ZNF385B: variants seen among roughly 807,000 people sequenced by gnomAD.
The protein encoded by ZNF385B is zinc finger protein 533.
In ZNF385B, 23 loss-of-function variants were observed where a neutral mutation model predicts 39.2. The ratio of observed to expected loss-of-function variants is 0.59; its 90% CI spans 0.42 to 0.83. The LOEUF (loss-of-function observed/expected upper bound fraction) is 0.83. Ranked by LOEUF, ZNF385B falls within the 40% of genes least tolerant of loss-of-function variation. The pLI, the probability that ZNF385B is intolerant of heterozygous loss-of-function variation, is 0.00. For missense variants in ZNF385B, 552 were observed against 598.9 expected (o/e 0.92, Z 0.82); for synonymous variants, 205 against 222.6 (o/e 0.92, Z 0.70).
In ZNF385B at chr2:179,769,555, A is replaced by G. The variant is rs1703892392; in HGVS notation, c.246T>C (p.Asp82=). The G allele has an allele frequency of 3.7e-6, 6 of 1,614,116 alleles. No individual in the cohort carries two copies. Among genetic ancestry groups the G allele is most frequent in the Non-Finnish European group, 5.1e-6 (6 of 1,180,018 alleles). The part of the protein sequence containing the change: ...SHRKRVKQLS[D]GQPPPPAQAS... ...CCTGGGCGGGTGGTGGGGGCTGCCC[A>G]TCACTCAGCTGCTTCACTCGTTTGC... The change falls in exon 3 of 10, where the codon GAT becomes GAC. Residue 82 remains aspartate (D), a synonymous_variant. Coordinates refer to ENST00000410066, the MANE Select transcript of ZNF385B (RefSeq NM_152520.6).
chr2:179,635,791 A>G (rs1019513622), intron 3 of ZNF385B, among the ~76,000 whole-genome samples: 23 of 152,084 alleles, frequency 1.5e-4, no homozygotes, highest in African/African-American at 5.3e-4. Context: ...ATCACTCTTT[A>G]AAGATATGAG....
chr2:179,518,725 T>C (rs2058271783), intron 4 of ZNF385B, 87 bp from the exon 5 acceptor site: 5 of 752,030 alleles, frequency 6.6e-6, no homozygotes. Context: ...AAATATTCCA[T>C]AAAGTTTAAA....
intron 3 of ZNF385B, among the ~76,000 whole-genome samples, chr2:179,702,046 T>A (rs1699246009): frequency 6.6e-6 from 1 of 152,160 alleles, no homozygotes; most frequent in South Asian, 2.1e-4. Context: ...TCAAAAGACT[T>A]TTCACGTTTT....
intron 4 of ZNF385B, among the ~76,000 whole-genome samples, chr2:179,527,728 C>G (rs2058999590): frequency 6.6e-6 from 1 of 152,056 alleles, no homozygotes; most frequent in Non-Finnish European, 1.5e-5. Flanking sequence ...AAATGTATGA[C>G]TTCCAATTTG....
Position 179,670,494 on chromosome 2 carries a change from CA to C in ZNF385B, c.298+99008del, listed in dbSNP as rs11464930. On this transcript the variant is annotated intron_variant, in intron 3 of 9. Transcript: ENST00000410066. ...AGTAGAACGTAAAAACAAAAACAAA[CA>C]AAAAAAAATAGGAACTAATAGGTCT... Among the ~76,000 whole-genome samples, 16 of 147,686 alleles carry C rather than the reference CA, an allele frequency of 1.1e-4. No homozygotes were observed. The East Asian group carries it at 1.4e-3, about 13-fold the overall frequency.
At chr2:179,774,714 G>A (rs142329731) in intron 1 of ZNF385B, among the ~76,000 whole-genome samples, 6 of 152,304 alleles carry the variant, frequency 3.9e-5, no homozygotes, top group Non-Finnish European at 8.8e-5. Flanking sequence ...ACAGCTGTTT[G>A]CATTTTGAGA....
chr2:179,695,694 A>G (rs1041919278), intron 3 of ZNF385B, among the ~76,000 whole-genome samples: 2 of 152,202 alleles, frequency 1.3e-5, no homozygotes, highest in African/African-American at 4.8e-5. Context: ...GTCAAATAAT[A>G]AGTTTTCATG....
chr2:179,600,134 T>C (rs528167569), intron 3 of ZNF385B, among the ~76,000 whole-genome samples: 1 of 152,332 alleles, frequency 6.6e-6, no homozygotes, highest in African/African-American at 2.4e-5. Flanking sequence ...ATTCTTCAAT[T>C]GTGCCAATCT....
intron 3 of ZNF385B, among the ~76,000 whole-genome samples, chr2:179,754,417 G>T (rs1179754648): frequency 2.6e-5 from 4 of 152,140 alleles, no homozygotes; most frequent in Admixed American, 6.5e-5. Context: ...CCTCTACCAG[G>T]CTTTGCTGTC....
At chr2:179,634,781 T>C (rs989830630) in intron 3 of ZNF385B, among the ~76,000 whole-genome samples, 2 of 152,026 alleles carry the variant, frequency 1.3e-5, no homozygotes, top group Non-Finnish European at 2.9e-5. Context: ...CTATTCACAA[T>C]AGGAAAGACT....
At chr2:179,518,287 G>A (rs1002573643) in intron 5 of ZNF385B, among the ~76,000 whole-genome samples, 2 of 151,748 alleles carry the variant, frequency 1.3e-5, no homozygotes, top group South Asian at 2.1e-4. Flanking sequence ...AAATATTTTC[G>A]ATGTGATCTA....
At chr2:179,449,762 A>C (rs1267085145) in intron 6 of ZNF385B, among the ~76,000 whole-genome samples, 2 of 152,032 alleles carry the variant, frequency 1.3e-5, no homozygotes, top group African/African-American at 4.8e-5. Context: ...TTTAAAGTTC[A>C]CATGGAACCA....
chr2:179,480,957 C>T (rs2053926062), intron 6 of ZNF385B: 1 of 152,158 alleles, frequency 6.6e-6, no homozygotes, highest in Non-Finnish European at 1.5e-5. Context: ...GACATCAATA[C>T]TGTTAGACTA....
chr2:179,493,612 C>T (rs111209241), intron 5 of ZNF385B, among the ~76,000 whole-genome samples: 83,381 of 118,416 alleles, frequency 0.7, 27,036 homozygotes, highest in South Asian at 0.75. Flanking sequence ...CATATATGTA[C>T]GTACATATAT....
At chr2:179,802,170 T>A (rs1706075181) in intron 1 of ZNF385B, among the ~76,000 whole-genome samples, 1 of 152,164 alleles carries the variant, frequency 6.6e-6, no homozygotes, top group Non-Finnish European at 1.5e-5. Flanking sequence ...TAACCAGATC[T>A]CTTTATATAC....
At chr2:179,464,031 A>T (rs1439194447) in intron 6 of ZNF385B, among the ~76,000 whole-genome samples, 1 of 152,112 alleles carries the variant, frequency 6.6e-6, no homozygotes, top group Non-Finnish European at 1.5e-5. Context: ...TGACTTTTTA[A>T]TGATTGCCAT....
intron 3 of ZNF385B, among the ~76,000 whole-genome samples, chr2:179,549,440 C>T (rs2060431061): frequency 6.7e-6 from 1 of 149,352 alleles, no homozygotes; most frequent in East Asian, 1.9e-4. Context: ...TACATGATTA[C>T]TATCAGTGTA....
chr2:179,496,776 T>A (rs1286752881), intron 5 of ZNF385B, among the ~76,000 whole-genome samples: 1 of 151,982 alleles, frequency 6.6e-6, no homozygotes, highest in Non-Finnish European at 1.5e-5. Context: ...AGGCCAGGAG[T>A]GTTGGCTCAT....
At position 179,769,507 on chromosome 2, in the gene ZNF385B, G is replaced by C; in HGVS notation, c.294C>G (p.Ser98Arg). 6.2e-7 allele frequency: 1 copy of C among 1,613,664 alleles called. No homozygotes were observed. The highest frequency in any genetic ancestry group is 8.5e-7 in the Non-Finnish European group (1 of 1,179,944). Reference sequence around the variant, plus strand: ...ACCCGGGACCCTGCCTCCTACCTGTGCTGCTGTTGCTGCTGGGGCTGGCCT... The same window carrying C: ...ACCCGGGACCCTGCCTCCTACCTGTCCTGCTGTTGCTGCTGGGGCTGGCCT... ...PAQASPSSNS[S>R]TGSTCHTTTL... is the part of the protein sequence containing the mutation. Residue 98 changes from serine (S) to arginine (R), a missense_variant, in exon 3 of 10, where the codon AGC (serine) becomes AGG (arginine). Ser to Arg is a moderately radical substitution (Grantham distance 110). Transcript: ENST00000410066.
Sources: allele counts gnomAD v4.1 joint callset (sites outside exome capture counted in the v4.1 genomes callset), GRCh38; gene constraint gnomAD v4.1.1; transcripts MANE v1.5; gene names NCBI Gene and HGNC (gene_info 2026-07-23, HGNC 2026-07-21).